Variants in SNX7 observed in about 807,000 individuals in gnomAD.
SNX7 encodes sorting nexin 7.
In SNX7, 35 loss-of-function variants were observed where a neutral mutation model predicts 48.4. That is an observed-to-expected ratio of 0.72 (90% CI 0.55 to 0.96). The LOEUF is 0.96. Among genes scored for constraint, SNX7 ranks in the 40% least tolerant of loss-of-function variants. The pLI, the probability that SNX7 is intolerant of heterozygous loss-of-function variation, is 0.00. For missense variants in SNX7, 553 were observed against 548.9 expected (o/e 1.01, Z -0.07); for synonymous variants, 190 against 190.2 (o/e 1.00, Z 0.01).
chr1:98,708,697 C>T (rs1557812184), intron 7 of SNX7, among the ~76,000 whole-genome samples: 1 of 152,166 alleles, frequency 6.6e-6, no homozygotes, highest in East Asian at 1.9e-4. Flanking sequence ...GAATTCCTCT[C>T]CCTTTCTGTC....
intron 7 of SNX7, 30 bp from the exon 8 acceptor site, chr1:98,738,206 TC>T (rs1557831839): frequency 1.2e-6 from 2 of 1,600,360 alleles, no homozygotes; most frequent in Admixed American, 3.4e-5. Context: ...AATTCATAGA[TC>T]AATGTATCTC....
rs761676203 is a variant in SNX7 at position 98,698,732 on chromosome 1, G to A, written c.865G>A (p.Gly289Ser). 9 of 1,610,340 alleles carry A rather than the reference G, an allele frequency of 5.6e-6. No individual in the cohort carries two copies. The highest frequency in any genetic ancestry group is 5.0e-5 in the Admixed American group (3 of 59,736). ...ATATTTTGATGAAATGAAAGAATAT[G>A]GCCCAATTCATATTCTGTGGTCAGC... ...REYFDEMKEY[G>S]PIHILWSASE... The change falls in exon 6 of 9, where the codon GGC becomes AGC. Residue 289 changes from glycine (G) to serine (S), a missense_variant. Coordinates refer to ENST00000306121, the MANE Select transcript of SNX7 (RefSeq NM_015976.5).
At chr1:98,715,752 C>G (rs1394145318) in intron 7 of SNX7, among the ~76,000 whole-genome samples, 1 of 152,104 alleles carries the variant, frequency 6.6e-6, no homozygotes, top group Non-Finnish European at 1.5e-5. Context: ...TGGCTCAGCC[C>G]TGGAATCAGT....
intron 1 of SNX7, among the ~76,000 whole-genome samples, chr1:98,676,498 C>T (rs1375225002): frequency 6.6e-6 from 1 of 152,048 alleles, no homozygotes; most frequent in Non-Finnish European, 1.5e-5. Flanking sequence ...TATTGTTATT[C>T]TTCTTTCTTC....
intron 5 of SNX7, 67 bp downstream of exon 5, chr1:98,695,783 G>C: frequency 2.7e-6 from 3 of 1,108,772 alleles, no homozygotes; most frequent in African/African-American, 1.5e-5. Context: ...ACATTTGTTG[G>C]TGTAATATAG....
At chr1:98,684,160 T>A (rs1344033719) in intron 1 of SNX7, among the ~76,000 whole-genome samples, 1 of 152,240 alleles carries the variant, frequency 6.6e-6, no homozygotes, top group Non-Finnish European at 1.5e-5. Context: ...TCTTCTAGAT[T>A]ACTTTTCAGT....
upstream of SNX7, chr1:98,661,560 A>T (rs1415542521): frequency 4.0e-6 from 2 of 495,998 alleles, no homozygotes; most frequent in Admixed American, 5.0e-5. Context: ...CCAGGTGGGG[A>T]TGCGCCCGGC....
chr1:98,700,546 A>ATT (rs910008491), intron 6 of SNX7, among the ~76,000 whole-genome samples: 5 of 143,580 alleles, frequency 3.5e-5, no homozygotes, highest in African/African-American at 1.3e-4. Context: ...GCTTCCTTTG[A>ATT]TTTTTTTTTT....
chr1:98,682,302 T>G (rs1650547242), intron 1 of SNX7, among the ~76,000 whole-genome samples: 1 of 152,248 alleles, frequency 6.6e-6, no homozygotes, highest in Non-Finnish European at 1.5e-5. Flanking sequence ...TGGGCTGTTC[T>G]CTAGGTTTGC....
chr1:98,725,295 T>C (rs559705146), intron 7 of SNX7, among the ~76,000 whole-genome samples: 6 of 152,332 alleles, frequency 3.9e-5, no homozygotes, highest in Non-Finnish European at 8.8e-5. Flanking sequence ...GATGTAGATA[T>C]AGGAATCCCA....
chr1:98,689,152 C>T (rs1393958254), intron 2 of SNX7, among the ~76,000 whole-genome samples: 1 of 152,168 alleles, frequency 6.6e-6, no homozygotes, highest in Non-Finnish European at 1.5e-5. Flanking sequence ...ATCTGCCTGC[C>T]TCGGCCTCCC....
chr1:98,715,966 A>G (rs1463648224), intron 7 of SNX7, among the ~76,000 whole-genome samples: 3 of 152,086 alleles, frequency 2.0e-5, no homozygotes, highest in Non-Finnish European at 4.4e-5. Context: ...CTGTATTTAC[A>G]TATATATAAA....
At chr1:98,740,885 T>C (rs1654037914) in intron 8 of SNX7, among the ~76,000 whole-genome samples, 1 of 152,200 alleles carries the variant, frequency 6.6e-6, no homozygotes, top group Non-Finnish European at 1.5e-5. Flanking sequence ...TTTGTATAAC[T>C]TCCAGAGATC....
chr1:98,698,566 A>G, intron 5 of SNX7, 140 bp from the exon 6 acceptor site: 2 of 741,022 alleles, frequency 2.7e-6, no homozygotes, highest in Admixed American at 2.9e-5. Flanking sequence ...TTAATGAAGG[A>G]TGATATCCGT....
intron 6 of SNX7, among the ~76,000 whole-genome samples, chr1:98,699,312 G>A (rs1056973668): frequency 6.6e-6 from 1 of 152,152 alleles, no homozygotes; most frequent in African/African-American, 2.4e-5. Context: ...TATGTAGAAA[G>A]TACTTGAGTT....
At chr1:98,758,609 CT>C (rs1570622930) in intron 8 of SNX7, among the ~76,000 whole-genome samples, 1 of 152,116 alleles carries the variant, frequency 6.6e-6, no homozygotes, top group African/African-American at 2.4e-5. Context: ...CCCTTAAAGT[CT>C]TGATAAACTT....
At position 98,683,633 on chromosome 1, in the gene SNX7, G is replaced by A. The variant is rs184048306; in HGVS notation, c.181-1252G>A. Among the ~76,000 whole-genome samples the A allele has an allele frequency of 6.2e-4, 95 of 152,236 alleles. 1 individual carries two copies. The highest frequency in any genetic ancestry group is 9.4e-4 in the Non-Finnish European group (64 of 68,010). ...TCTGTAAAGTGGGCCCTCACCAGAC[G>A]CTGAATCTGCTGACATCTTGATCTT... On this transcript the variant is annotated intron_variant, in intron 1 of 8. Transcript: ENST00000306121.
intron 7 of SNX7, among the ~76,000 whole-genome samples, chr1:98,730,366 T>A (rs1485938905): frequency 3.3e-5 from 5 of 152,150 alleles, no homozygotes; most frequent in Non-Finnish European, 5.9e-5. Context: ...GGATGCTGTC[T>A]GTCACCACTC....
chr1:98,661,401 C>T (rs1034833922), upstream of SNX7, among the ~76,000 whole-genome samples: 1 of 152,074 alleles, frequency 6.6e-6, no homozygotes, highest in East Asian at 1.9e-4. Flanking sequence ...ACTGCGGAAA[C>T]CGTCACTCGG....
Sources: allele counts gnomAD v4.1 joint callset (sites outside exome capture counted in the v4.1 genomes callset), GRCh38; gene constraint gnomAD v4.1.1; transcripts MANE v1.5; gene names NCBI Gene and HGNC (gene_info 2026-07-23, HGNC 2026-07-21).